Variants in SGCZ observed in about 807,000 individuals in gnomAD.
SGCZ encodes the protein zeta-sarcoglycan.
Under a neutral mutation model 41.3 loss-of-function variants are expected in SGCZ, and 40 were observed. That is an observed-to-expected ratio of 0.97 (90% CI 0.75 to 1.26). SGCZ has a LOEUF of 1.26. Among genes scored for constraint, SGCZ ranks in the 50% most tolerant of loss-of-function variants. SGCZ has a pLI of 0.00. For missense variants in SGCZ, 552 were observed against 369.8 expected (o/e 1.49, Z -4.04); for synonymous variants, 206 against 137.5 (o/e 1.50, Z -3.49).
chr8:14,396,581 A>T (rs1353678369), intron 2 of SGCZ, among the ~76,000 whole-genome samples: 3 of 152,016 alleles, frequency 2.0e-5, no homozygotes, highest in African/African-American at 7.2e-5. Context: ...GGTGCTAGGG[A>T]TATAATGGAC....
intron 1 of SGCZ, among the ~76,000 whole-genome samples, chr8:14,915,073 T>C (rs534911826): frequency 2.0e-5 from 3 of 152,330 alleles, no homozygotes; most frequent in South Asian, 4.1e-4. Context: ...AGCTCTTTCA[T>C]AACTCTCATA....
At position 14,720,120 on chromosome 8, in the gene SGCZ, AT is replaced by A. The variant is rs566487678; in HGVS notation, c.40-165195del. ...GTTCTTTGTCTTTTTTCTGACTTAT[AT>A]TTTTTTCTTTTCAGACTATCTGATC... On this transcript the variant is annotated intron_variant, in intron 1 of 7. Transcript: ENST00000382080. Among the ~76,000 whole-genome samples, 188 of 151,918 alleles carry A rather than the reference AT, an allele frequency of 1.2e-3. 2 individuals carry two copies. The highest frequency in any genetic ancestry group is 2.2e-3 in the Non-Finnish European group (148 of 67,892).
chr8:15,192,794 T>A (rs1800583830), intron 1 of SGCZ, among the ~76,000 whole-genome samples: 1 of 152,112 alleles, frequency 6.6e-6, no homozygotes, highest in African/African-American at 2.4e-5. Context: ...TTTGAGAAAA[T>A]TCTGTTGAGT....
At chr8:14,142,656 T>G (rs769985582) in intron 5 of SGCZ, among the ~76,000 whole-genome samples, 15 of 152,128 alleles carry the variant, frequency 9.9e-5, no homozygotes, top group South Asian at 2.1e-4. Flanking sequence ...GGTTGGACTC[T>G]GTGTTCCCAC....
rs551898213 is a variant in SGCZ at position 15,230,838 on chromosome 8, G to A, written c.39+6747C>T. Among the ~76,000 whole-genome samples the A allele has an allele frequency of 1.2e-4, 18 of 152,266 alleles. No individual in the cohort carries two copies. In the South Asian group the frequency reaches 3.5e-3, roughly 30 times the overall value. ...AAGACATTGGACAAATTCTTCAACT[G>A]TGGCTAAAAAATGATTATGACAAAA... On this transcript the variant is annotated intron_variant, in intron 1 of 7. Transcript: ENST00000382080.
chr8:14,139,831 G>T (rs1025099210), intron 5 of SGCZ, among the ~76,000 whole-genome samples: 1 of 152,100 alleles, frequency 6.6e-6, no homozygotes, highest in East Asian at 1.9e-4. Context: ...CCTAACTCAT[G>T]TTATGAGGCC....
intron 2 of SGCZ, among the ~76,000 whole-genome samples, chr8:14,351,794 CA>C (rs1440790736): frequency 2.0e-5 from 3 of 151,998 alleles, no homozygotes; most frequent in Non-Finnish European, 2.9e-5. Flanking sequence ...AACTATTTGG[CA>C]AATGGGTCTC....
At chr8:14,967,593 G>T (rs2130860001) in intron 1 of SGCZ, among the ~76,000 whole-genome samples, 1 of 152,216 alleles carries the variant, frequency 6.6e-6, no homozygotes. Context: ...GTCTGAAGCT[G>T]AACTCACTGT....
intron 1 of SGCZ, among the ~76,000 whole-genome samples, chr8:14,615,468 T>C (rs1417351604): frequency 6.6e-6 from 1 of 152,208 alleles, no homozygotes; most frequent in Non-Finnish European, 1.5e-5. Flanking sequence ...GATTCATAAA[T>C]AGTTCTTTGC....
chr8:14,766,374 T>A (rs1474267916), intron 1 of SGCZ, among the ~76,000 whole-genome samples: 1 of 152,128 alleles, frequency 6.6e-6, no homozygotes, highest in Non-Finnish European at 1.5e-5. Flanking sequence ...TGGAGAAATG[T>A]AACTCAAAAG....
chr8:14,691,166 GA>G (rs1808787020), intron 1 of SGCZ, among the ~76,000 whole-genome samples: 1 of 152,220 alleles, frequency 6.6e-6, no homozygotes, highest in Admixed American at 6.5e-5. Context: ...CTTCAATGAT[GA>G]ATGAAGTCTA....
At chr8:14,259,198 C>A (rs988855716) in intron 3 of SGCZ, among the ~76,000 whole-genome samples, 2 of 152,026 alleles carry the variant, frequency 1.3e-5, no homozygotes, top group Admixed American at 6.5e-5. Context: ...GATAAAATAC[C>A]TACTGAGTTA....
chr8:14,170,442 T>G (rs1804343723), intron 4 of SGCZ, among the ~76,000 whole-genome samples: 1 of 152,112 alleles, frequency 6.6e-6, no homozygotes, highest in Non-Finnish European at 1.5e-5. Flanking sequence ...ATAAAGGAAT[T>G]GTGTGACTAC....
chr8:14,367,125 C>G (rs950246297), intron 2 of SGCZ, among the ~76,000 whole-genome samples: 5 of 152,122 alleles, frequency 3.3e-5, no homozygotes, highest in Non-Finnish European at 7.4e-5. Flanking sequence ...AATCATCTTT[C>G]TCATGTTCGA....
intron 3 of SGCZ, among the ~76,000 whole-genome samples, chr8:14,299,588 T>C (rs1016706824): frequency 6.6e-6 from 1 of 151,938 alleles, no homozygotes; most frequent in African/African-American, 2.4e-5. Context: ...CAGGGAAATG[T>C]GAATATCTCT....
chr8:14,409,079 C>A (rs902684358), intron 2 of SGCZ, among the ~76,000 whole-genome samples: 1 of 151,806 alleles, frequency 6.6e-6, no homozygotes, highest in Non-Finnish European at 1.5e-5. Flanking sequence ...CCAGTGTTAG[C>A]AAATGCTAAG....
chr8:15,061,059 G>C (rs10100576), intron 1 of SGCZ, among the ~76,000 whole-genome samples: 1 of 151,982 alleles, frequency 6.6e-6, no homozygotes, highest in South Asian at 2.1e-4. Context: ...TGACCCAATC[G>C]TTGTTCCCTA....
intron 1 of SGCZ, among the ~76,000 whole-genome samples, chr8:15,097,386 G>C (rs1165908781): frequency 1.3e-5 from 2 of 151,982 alleles, no homozygotes; most frequent in Non-Finnish European, 2.9e-5. Flanking sequence ...AATATAAAAG[G>C]CTGAGGCAAC....
At chr8:14,391,468 C>G (rs1052951588) in intron 2 of SGCZ, among the ~76,000 whole-genome samples, 1 of 151,868 alleles carries the variant, frequency 6.6e-6, no homozygotes, top group Admixed American at 6.6e-5. Context: ...ATGTTGTAAC[C>G]CAGATTTTGT....
Sources: allele counts gnomAD v4.1 joint callset (sites outside exome capture counted in the v4.1 genomes callset), GRCh38; gene constraint gnomAD v4.1.1; transcripts MANE v1.5; gene names NCBI Gene and HGNC (gene_info 2026-07-23, HGNC 2026-07-21).